The following RBMS3 variants were observed in gnomAD, a reference collection of about 807,000 sequenced individuals.
The protein encoded by RBMS3 is RNA-binding motif, single-stranded-interacting protein 3.
RBMS3 carries 27 observed loss-of-function variants against 66.8 expected under a neutral mutation model. That is an observed-to-expected ratio of 0.40 (90% confidence interval 0.30 to 0.56). The LOEUF (loss-of-function observed/expected upper bound fraction) is 0.56. Among genes scored for constraint, RBMS3 ranks in the 20% least tolerant of loss-of-function variants. The probability of loss-of-function intolerance (pLI) is 0.40; values close to 1 mark genes in which losing one functional copy is unlikely to be tolerated. For missense variants in RBMS3, 513 were observed against 549.5 expected, an observed-to-expected ratio of 0.93 and a Z score of 0.66; for synonymous variants, 188 against 183.0, an observed-to-expected ratio of 1.03 and a Z score of -0.22.
chr3:29,590,080 G>A (rs1486232342), intron 4 of RBMS3, among the ~76,000 whole-genome samples: 3 of 123,182 alleles, frequency 2.4e-5, no homozygotes, highest in African/African-American at 8.9e-5. Context: ...TGCCACAAAG[G>A]AGTTTATTTA....
intron 10 of RBMS3, among the ~76,000 whole-genome samples, chr3:29,909,706 T>C (rs1174272442): frequency 2.0e-5 from 3 of 152,146 alleles, no homozygotes; most frequent in Non-Finnish European, 4.4e-5. Flanking sequence ...AGATGGCCAC[T>C]GTTTCTATAC....
chr3:29,632,579 G>A (rs529602852), intron 4 of RBMS3, among the ~76,000 whole-genome samples: 7 of 151,872 alleles, frequency 4.6e-5, no homozygotes, highest in Admixed American at 1.3e-4. Flanking sequence ...TGTGGGTCGC[G>A]TTTTTGATGA....
intron 2 of RBMS3, among the ~76,000 whole-genome samples, chr3:29,468,375 T>C (rs889052806): frequency 6.6e-6 from 1 of 152,148 alleles, no homozygotes; most frequent in Non-Finnish European, 1.5e-5. Context: ...TACCCATATG[T>C]ACCTCCAGAA....
Position 29,588,084 on chromosome 3 carries a change from C to G in RBMS3, c.399+879C>G, listed in dbSNP as rs1253777559. On this transcript the variant is annotated intron_variant, in intron 4 of 14. Transcript: ENST00000383767. ...ACCTCATGAAGGGTACATAGGCTCT[C>G]TCTGTACTATCTTTGCAATGTCTTA... Among the ~76,000 whole-genome samples, 3 of 151,978 alleles carry G rather than the reference C, an allele frequency of 2.0e-5. No homozygotes were observed. The East Asian group carries it at 5.8e-4, about 29-fold the overall frequency.
chr3:29,845,437 A>G (rs2058754135), intron 6 of RBMS3, among the ~76,000 whole-genome samples: 1 of 152,194 alleles, frequency 6.6e-6, no homozygotes, highest in Admixed American at 6.5e-5. Flanking sequence ...TCATGCATTT[A>G]TATTCATTTT....
intron 1 of RBMS3, among the ~76,000 whole-genome samples, chr3:29,316,179 A>G (rs1338857704): frequency 6.6e-6 from 1 of 151,740 alleles, no homozygotes; most frequent in African/African-American, 2.4e-5. Context: ...TGTGCCAGAT[A>G]TCAGACATGT....
In RBMS3 at chr3:29,578,790, C is replaced by CTTTT. The variant is rs1185861167; in HGVS notation, c.308-8305_308-8302dup. Among the ~76,000 whole-genome samples the CTTTT allele has an allele frequency of 6.7e-4, 68 of 101,056 alleles. 2 individuals carry two copies. Among genetic ancestry groups the CTTTT allele is most frequent in the South Asian group, 1.1e-3 (3 of 2,664 alleles). 66.3% of individuals were successfully genotyped at this position (101,056 alleles called of 152,430 possible). On this transcript the variant is annotated intron_variant, in intron 3 of 14. Transcript: ENST00000383767. ...AAAGAATCACAGGTAATACATGCTT[C>CTTTT]TTTTTTTTTTTTTTTTTTTTTTGAG... is the stretch of plus-strand genomic sequence containing the variant.
Position 29,977,649 on chromosome 3 carries a change from A to T in RBMS3, c.1099-10494A>T, listed in dbSNP as rs192958046. On this transcript the variant is annotated intron_variant, in intron 12 of 14. Transcript: ENST00000383767. ...TTATTCAGTGCTCCTACACATTCAC[A>T]TGTGAAAATCTAATGATTTCATAAT... Among the ~76,000 whole-genome samples, 29 of 152,286 alleles carry T rather than the reference A, an allele frequency of 1.9e-4. 2 individuals carry two copies. In the East Asian group the frequency reaches 5.6e-3, roughly 29 times the overall value.
rs540307929 is a variant in RBMS3, at chr3:29,587,522, C to G, written c.399+317C>G. On this transcript the variant is annotated intron_variant, in intron 4 of 14. Coordinates refer to ENST00000383767, the MANE Select transcript of RBMS3 (RefSeq NM_001003793.3). ...ACCTCATTAGAGACTTAAGGACACTCGTGAAGTGCTCTGTTCTGCTTGAGA... is the reference window on the plus strand; with the variant it reads ...ACCTCATTAGAGACTTAAGGACACTGGTGAAGTGCTCTGTTCTGCTTGAGA... Among the ~76,000 whole-genome samples, 6 of 151,346 alleles carry G rather than the reference C, an allele frequency of 4.0e-5. No homozygotes were observed. In the East Asian group the frequency reaches 9.8e-4, roughly 25 times the overall value.
chr3:29,452,521 A>G (rs752120340), intron 2 of RBMS3, among the ~76,000 whole-genome samples: 11 of 152,200 alleles, frequency 7.2e-5, no homozygotes, highest in Non-Finnish European at 1.6e-4. Context: ...AAATGTCAAT[A>G]ATTACATTAT....
chr3:29,364,142 A>G (rs2125587705), intron 1 of RBMS3, among the ~76,000 whole-genome samples: 1 of 152,294 alleles, frequency 6.6e-6, no homozygotes, highest in Non-Finnish European at 1.5e-5. Flanking sequence ...GCGATTAAAT[A>G]TAGAACAGAT....
intron 1 of RBMS3, among the ~76,000 whole-genome samples, chr3:29,396,781 A>G (rs1477460582): frequency 6.6e-6 from 1 of 152,174 alleles, no homozygotes; most frequent in Non-Finnish European, 1.5e-5. Flanking sequence ...TCCCAAAAAA[A>G]TACTTTTAAA....
intron 1 of RBMS3, among the ~76,000 whole-genome samples, chr3:29,294,602 G>A (rs563951985): frequency 2.6e-5 from 4 of 151,888 alleles, no homozygotes; most frequent in African/African-American, 9.6e-5. Flanking sequence ...GGATTAAATG[G>A]TAGTGGTGGT....
intron 6 of RBMS3, among the ~76,000 whole-genome samples, chr3:29,815,813 A>T (rs1488846868): frequency 1.3e-5 from 2 of 152,122 alleles, no homozygotes; most frequent in African/African-American, 2.4e-5. Context: ...GGTAAGGGAT[A>T]AAAGACTACA....
chr3:29,295,384 T>A (rs1157529327), intron 1 of RBMS3, among the ~76,000 whole-genome samples: 1 of 147,516 alleles, frequency 6.8e-6, no homozygotes, highest in African/African-American at 2.5e-5. Context: ...TATACACATA[T>A]ATATATGTTT....
rs559124908 is a variant in RBMS3, at chr3:29,437,984, T to C, written c.248+3069T>C. Among the ~76,000 whole-genome samples the C allele has an allele frequency of 4.6e-5, 7 of 151,938 alleles. No homozygotes were observed. The South Asian group carries it at 6.2e-4, about 14-fold the overall frequency. ...GTATGACCTGATGGCTGAAAAAACC[T>C]TTGGTAAGAGACCAATGCAGGTCAT... On this transcript the variant is annotated intron_variant, in intron 2 of 14. Transcript: ENST00000383767.
Position 29,869,763 on chromosome 3 carries a change from G to GA in RBMS3, c.744+805dup, listed in dbSNP as rs200903714. Among the ~76,000 whole-genome samples the GA allele has an allele frequency of 4.2e-3, 632 of 152,192 alleles. 4 individuals carry two copies. The highest frequency in any genetic ancestry group is 0.014 in the African/African-American group (597 of 41,538). ...TGGAATAGAGTTGTTTGAATGACTTGAAAAAATGCTATTTTGTACCAAGGC... is the reference window on the plus strand; with the variant it reads ...TGGAATAGAGTTGTTTGAATGACTTGAAAAAAATGCTATTTTGTACCAAGGC... On this transcript the variant is annotated intron_variant, in intron 7 of 14. Coordinates refer to ENST00000383767, the MANE Select transcript of RBMS3 (RefSeq NM_001003793.3).
At chr3:29,703,703 A>C (rs1253017408) in intron 4 of RBMS3, among the ~76,000 whole-genome samples, 1 of 152,206 alleles carries the variant, frequency 6.6e-6, no homozygotes, top group East Asian at 1.9e-4. Context: ...ATTTAGAGCC[A>C]AAATTGATGA....
At chr3:29,388,721 A>G (rs2039131479) in intron 1 of RBMS3, among the ~76,000 whole-genome samples, 1 of 152,120 alleles carries the variant, frequency 6.6e-6, no homozygotes, top group Admixed American at 6.5e-5. Context: ...AACCGCCACT[A>G]TGCCCAGCTA....
Sources: allele counts gnomAD v4.1 joint callset (sites outside exome capture counted in the v4.1 genomes callset), GRCh38; gene constraint gnomAD v4.1.1; transcripts MANE v1.5; gene names NCBI Gene and HGNC (gene_info 2026-07-23, HGNC 2026-07-21).